Variants in BMP8A observed in about 807,000 individuals in gnomAD.
BMP8A encodes the protein BMP-8A.
A neutral mutation model predicts 36.8 loss-of-function variants in BMP8A; 14 were observed. The ratio of observed to expected loss-of-function variants is 0.38; its 90% CI spans 0.25 to 0.60. The LOEUF is 0.60. Among genes scored for constraint, BMP8A ranks in the 20% least tolerant of loss-of-function variants. BMP8A has a pLI of 0.63. For missense variants in BMP8A, 267 were observed against 551.1 expected (o/e 0.48, Z 5.16); for synonymous variants, 120 against 237.7 (o/e 0.50, Z 4.55).
rs1645458571 is a variant in BMP8A, at chr1:39,524,081, C to T, written c.1059+964C>T. Among the ~76,000 whole-genome samples the T allele has an allele frequency of 6.6e-6, 1 of 152,164 alleles. No homozygotes were observed. The highest frequency in any genetic ancestry group is 2.1e-4 in the South Asian group (1 of 4,822). ...CTGCTCTGAGCCTATGATAATACTT[C>T]CTTTCTGGGCAGTCAAATGGTGTTT... On this transcript the variant is annotated intron_variant, in intron 6 of 6. Transcript: ENST00000331593. This position sits in a 1 kb window ranked among gnomAD's most constrained non-coding sequence, Gnocchi z 4.0.
rs1414653031 is a variant in BMP8A, at chr1:39,513,731, TG to T, written c.673+1828del. 7.2e-5 allele frequency among the ~76,000 whole-genome samples: 11 copies of T among 151,936 alleles called. No homozygotes were observed. In the East Asian group the frequency reaches 1.9e-3, roughly 27 times the overall value. On this transcript the variant is annotated intron_variant, in intron 3 of 6. Coordinates refer to ENST00000331593, the MANE Select transcript of BMP8A (RefSeq NM_181809.4). ...ATGCCATTACAGGGACCGGTGAGCG[TG>T]AAGACCCAGGCGAGGGAGGTGCTGG... is the stretch of plus-strand genomic sequence containing the variant.
At chr1:39,493,705 G>T (rs1170435557) in intron 1 of BMP8A, among the ~76,000 whole-genome samples, 1 of 152,236 alleles carries the variant, frequency 6.6e-6, no homozygotes, top group Admixed American at 6.5e-5. Context: ...TCTAGCCGGT[G>T]GGATCTGTAT....
At chr1:39,515,604 C>G (rs1208975862) in intron 3 of BMP8A, 2 of 1,531,266 alleles carry the variant, frequency 1.3e-6, no homozygotes, top group East Asian at 4.5e-5. Flanking sequence ...GAAGGCCGAC[C>G]GGGCAGGAAA....
intron 1 of BMP8A, among the ~76,000 whole-genome samples, chr1:39,495,219 C>T (rs1486401660): frequency 6.6e-6 from 1 of 152,222 alleles, no homozygotes; most frequent in African/African-American, 2.4e-5. Flanking sequence ...AAAGCCAGGC[C>T]TGGTGCCCCT....
intron 1 of BMP8A, among the ~76,000 whole-genome samples, chr1:39,510,371 C>T (rs1162253678): frequency 1.8e-5 from 2 of 111,256 alleles, no homozygotes; most frequent in Non-Finnish European, 4.0e-5. Flanking sequence ...CCAGTGAGAC[C>T]CTCCGACTTC....
chr1:39,499,183 T>C (rs1407495872), intron 1 of BMP8A, among the ~76,000 whole-genome samples: 1 of 152,154 alleles, frequency 6.6e-6, no homozygotes, highest in African/African-American at 2.4e-5. Flanking sequence ...CTGACCTGCC[T>C]GGGGTCTGAG....
chr1:39,494,288 C>T (rs1645185963), intron 1 of BMP8A, among the ~76,000 whole-genome samples: 1 of 152,124 alleles, frequency 6.6e-6, no homozygotes, highest in African/African-American at 2.4e-5. Context: ...TGAAAAGTAG[C>T]ATGTGAACTT....
intron 1 of BMP8A, among the ~76,000 whole-genome samples, chr1:39,502,432 A>G (rs1169506385): frequency 6.6e-6 from 1 of 152,218 alleles, no homozygotes; most frequent in East Asian, 1.9e-4. Context: ...ACTCCAGGAC[A>G]GTGAGCAACC....
rs1645161058 is a variant in BMP8A, at chr1:39,491,898, G to T, written c.-94G>T. On this transcript the variant is annotated 5_prime_UTR_variant, in exon 1 of 7. Transcript: ENST00000331593. The stretch of plus-strand genomic sequence containing the variant: ...GCCCGCCGAGCCCCGCCCCCTGCTC[G>T]CCGAACTCAGCTCCCCGTTCGCCGT... 10 of 1,008,094 alleles carry T rather than the reference G, an allele frequency of 9.9e-6. No individual in the cohort carries two copies. Among genetic ancestry groups the T allele is most frequent in the Admixed American group, 5.7e-5 (1 of 17,690 alleles). The allele number at this position is 1,008,094 out of a possible 1,614,324, so 62.4% of individuals were successfully genotyped here. A position where few individuals can be genotyped will look rare whatever the true frequency, so the allele number is the denominator to read the frequency against.
rs1202600978 is a variant in BMP8A, at chr1:39,492,029, T to A, written c.38T>A (p.Leu13Gln). The change falls in exon 1 of 7, where the codon CTG becomes CAG. Residue 13 changes from leucine to glutamine, a missense_variant. Transcript: ENST00000331593. The part of the protein sequence containing the change: ...ARPGPLWLLG[L>Q]TLCALGGGGP... ...CCCGGACCGCTCTGGCTTCTGGGCC[T>A]GACGTTGTGCGCGCTGGGCGGGGGC... 1 of 1,095,578 alleles carries A rather than the reference T, an allele frequency of 9.1e-7. No individual in the cohort carries two copies. Among genetic ancestry groups the A allele is most frequent in the Non-Finnish European group, 1.1e-6 (1 of 902,520 alleles). 67.9% of individuals were successfully genotyped at this position (1,095,578 alleles called of 1,614,324 possible).
intron 1 of BMP8A, among the ~76,000 whole-genome samples, chr1:39,506,684 C>T (rs1645304547): frequency 6.6e-6 from 1 of 152,046 alleles, no homozygotes; most frequent in South Asian, 2.1e-4. Flanking sequence ...GCAGCCCCCA[C>T]ACTCCCTGCA....
chr1:39,529,102 C>T lies in BMP8A; in HGVS notation c.*3304C>T, dbSNP rs911632914. The T allele has an allele frequency of 6.6e-6, 1 of 152,240 alleles. No individual in the cohort carries two copies. Among genetic ancestry groups the T allele is most frequent in the Admixed American group, 6.5e-5 (1 of 15,284 alleles). 9.4% of individuals were successfully genotyped at this position (152,240 alleles called of 1,614,324 possible). A position where few individuals can be genotyped will look rare whatever the true frequency, so the allele number is the denominator to read the frequency against. On this transcript the variant is annotated 3_prime_UTR_variant, in exon 7 of 7. Coordinates refer to ENST00000331593, the MANE Select transcript of BMP8A (RefSeq NM_181809.4). ...CGTAGAAGAGGGTGCTGGTCCTGCC[C>T]TTTTGAGGCCTCCATGAGGGCCAAA... is the stretch of plus-strand genomic sequence containing the variant.
chr1:39,529,500 G>T lies in BMP8A; in HGVS notation c.*3702G>T, dbSNP rs574651731. Among the ~76,000 whole-genome samples, 26 of 152,314 alleles carry T rather than the reference G, an allele frequency of 1.7e-4. No individual in the cohort carries two copies. The highest frequency in any genetic ancestry group is 6.0e-4 in the African/African-American group (25 of 41,574). On this transcript the variant is annotated 3_prime_UTR_variant, in exon 7 of 7. Transcript: ENST00000331593. ...CCTGTGCCCTCATGGGCAGCTGAAG[G>T]GGGAGCTTTCTACCCCAGGTTCCTT...
chr1:39,513,987 T>A (rs1645377686), intron 3 of BMP8A, among the ~76,000 whole-genome samples: 1 of 151,368 alleles, frequency 6.6e-6, no homozygotes, highest in African/African-American at 2.4e-5. Flanking sequence ...CAAGGGTTTG[T>A]CATTTGTGTC....
At chr1:39,502,978 G>A (rs1042167266) in intron 1 of BMP8A, among the ~76,000 whole-genome samples, 8 of 152,238 alleles carry the variant, frequency 5.3e-5, no homozygotes, top group East Asian at 1.9e-4. Context: ...CCCAGGAAGC[G>A]GAGGTTGCAG....
Position 39,525,977 on chromosome 1 carries a change from G to T in BMP8A, c.*179G>T. On this transcript the variant is annotated 3_prime_UTR_variant, in exon 7 of 7. Coordinates refer to ENST00000331593, the MANE Select transcript of BMP8A (RefSeq NM_181809.4). ...GGTACCTCTGTGCCCCTCCCCTGGG[G>T]TTTGTGGCTGTCACTCTGCCCGACA... The T allele has an allele frequency of 9.0e-7, 1 of 1,108,938 alleles. No homozygotes were observed. The highest frequency in any genetic ancestry group is 1.3e-6 in the Non-Finnish European group (1 of 795,992). The allele number at this position is 1,108,938 out of a possible 1,614,324, so 68.7% of individuals were successfully genotyped here. A position where few individuals can be genotyped will look rare whatever the true frequency, so the allele number is the denominator to read the frequency against.
At position 39,525,634 on chromosome 1, in the gene BMP8A, TC is replaced by T. The variant is rs1645475334; in HGVS notation, c.1060-12del. On this transcript the variant is annotated splice_polypyrimidine_tract_variant and intron_variant, in intron 6 of 6. Coordinates refer to ENST00000331593, the MANE Select transcript of BMP8A (RefSeq NM_181809.4). ...ACTGGCCTCATGCCCCTGCCTGTGC[TC>T]CCTTCCTGGCCAGGTGCACCTGATG... 1 of 1,613,156 alleles carries T rather than the reference TC, an allele frequency of 6.2e-7. No homozygotes were observed. The highest frequency in any genetic ancestry group is 8.5e-7 in the Non-Finnish European group (1 of 1,179,954).
intron 1 of BMP8A, among the ~76,000 whole-genome samples, chr1:39,492,896 G>A (rs1645173876): frequency 1.3e-5 from 2 of 152,148 alleles, no homozygotes; most frequent in African/African-American, 4.8e-5. Context: ...TGTCACCCTG[G>A]GCCCTGCACT....
At position 39,492,030 on chromosome 1, in the gene BMP8A, G is replaced by A; in HGVS notation, c.39G>A (p.Leu13=). The change falls in exon 1 of 7, where the codon CTG becomes CTA. Residue 13 remains leucine, a synonymous_variant. Transcript: ENST00000331593. The part of the protein sequence containing the change: ...ARPGPLWLLG[L]TLCALGGGGP... ...CCGGACCGCTCTGGCTTCTGGGCCT[G>A]ACGTTGTGCGCGCTGGGCGGGGGCG... The A allele has an allele frequency of 9.1e-7, 1 of 1,096,406 alleles. No homozygotes were observed. The highest frequency in any genetic ancestry group is 1.1e-6 in the Non-Finnish European group (1 of 902,968). The allele number at this position is 1,096,406 out of a possible 1,614,324, so 67.9% of individuals were successfully genotyped here. A position where few individuals can be genotyped will look rare whatever the true frequency, so the allele number is the denominator to read the frequency against.
Sources: gnomAD v4.1 joint callset for allele counts (sites outside exome capture counted in the v4.1 genomes callset) on GRCh38, gnomAD v4.1.1 for gene constraint, Gnocchi (gnomAD v3.1) non-coding constraint, MANE v1.5 for transcripts, NCBI Gene and HGNC (gene_info 2026-07-23, HGNC 2026-07-21) for gene names.